The following GTF2I variants were observed in gnomAD, a reference collection of about 807,000 sequenced individuals.
GTF2I encodes the protein general transcription factor II-I.
GTF2I carries 12 observed loss-of-function variants against 67.6 expected under a neutral mutation model. The ratio of observed to expected loss-of-function variants is 0.18; its 90% CI spans 0.11 to 0.29. The LOEUF (loss-of-function observed/expected upper bound fraction) is 0.29, where lower values mean the gene tolerates loss of function less well. Among genes scored for constraint, GTF2I ranks in the 10% least tolerant of loss-of-function variants. The pLI is 1.00. For missense variants in GTF2I, 271 were observed against 580.1 expected (o/e 0.47, Z 5.47); for synonymous variants, 149 against 197.0 (o/e 0.76, Z 2.04).
intron 12 of GTF2I, chr7:74,727,948 C>G (rs1794067737): frequency 6.6e-6 from 1 of 152,254 alleles, no homozygotes; most frequent in Non-Finnish European, 1.5e-5. Context: ...TCAACAGTAT[C>G]TGTTTCATCA....
At chr7:74,711,508 A>T (rs1257049007) in intron 9 of GTF2I, among the ~76,000 whole-genome samples, 1 of 152,192 alleles carries the variant, frequency 6.6e-6, no homozygotes, top group Non-Finnish European at 1.5e-5. Flanking sequence ...TGCCATCTAC[A>T]TATCTAATAC....
intron 3 of GTF2I, among the ~76,000 whole-genome samples, chr7:74,697,287 C>T (rs1485147237): frequency 6.6e-6 from 1 of 151,824 alleles, no homozygotes; most frequent in African/African-American, 2.4e-5. Context: ...CCCAGCTACT[C>T]GGGAGGCTGA....
At chr7:74,723,590 C>G (rs1378204402) in intron 12 of GTF2I, among the ~76,000 whole-genome samples, 2 of 151,638 alleles carry the variant, frequency 1.3e-5, no homozygotes, top group African/African-American at 2.4e-5. Context: ...GCCACCATGT[C>G]CAGCCAATAT....
At chr7:74,719,003 T>C (rs1172314080) in intron 12 of GTF2I, 62 bp downstream of exon 12, 12 of 805,696 alleles carry the variant, frequency 1.5e-5, no homozygotes, top group Non-Finnish European at 2.4e-5. Context: ...ACTTGTCACA[T>C]TCACATTGCT....
At chr7:74,708,961 C>A (rs1328419802) in intron 8 of GTF2I, among the ~76,000 whole-genome samples, 2 of 152,200 alleles carry the variant, frequency 1.3e-5, no homozygotes, top group Non-Finnish European at 2.9e-5. Flanking sequence ...CAGTCACACC[C>A]ATCGCTGGGA....
At chr7:74,699,987 C>T in intron 4 of GTF2I, 2 of 343,858 alleles carry the variant, frequency 5.8e-6, no homozygotes, top group Non-Finnish European at 1.1e-5. Flanking sequence ...GACAATAGTG[C>T]AAGAAACCAA....
chr7:74,734,287 TTTA>T (rs1794712030), intron 16 of GTF2I, among the ~76,000 whole-genome samples: 1 of 137,044 alleles, frequency 7.3e-6, no homozygotes, highest in Admixed American at 7.6e-5. Flanking sequence ...CATTGAACAG[TTTA>T]TTATTGAAGT....
At chr7:74,664,834 A>G (rs1804828329) in intron 1 of GTF2I, among the ~76,000 whole-genome samples, 1 of 152,228 alleles carries the variant, frequency 6.6e-6, no homozygotes, top group Non-Finnish European at 1.5e-5. Context: ...GCTTATGGCT[A>G]GCGACACAAG....
intron 1 of GTF2I, among the ~76,000 whole-genome samples, chr7:74,688,059 G>T (rs912565462): frequency 3.3e-5 from 5 of 151,930 alleles, no homozygotes; most frequent in Non-Finnish European, 7.4e-5. Flanking sequence ...GTATTGTTTT[G>T]GTTTTATTTT....
intron 6 of GTF2I, among the ~76,000 whole-genome samples, chr7:74,701,634 AT>A (rs1264466311): frequency 6.6e-6 from 1 of 151,846 alleles, no homozygotes; most frequent in Non-Finnish European, 1.5e-5. Context: ...CGCCCGGCTA[AT>A]TTTTTGTATT....
chr7:74,660,754 TG>T (rs1385182706), intron 1 of GTF2I, among the ~76,000 whole-genome samples: 1 of 151,916 alleles, frequency 6.6e-6, no homozygotes, highest in Non-Finnish European at 1.5e-5. Flanking sequence ...CCTGAGTAGC[TG>T]GGATTACAGG....
chr7:74,748,637 CG>C (rs587707648), intron 24 of GTF2I, among the ~76,000 whole-genome samples: 511 of 138,164 alleles, frequency 3.7e-3, no homozygotes, highest in African/African-American at 0.012. Context: ...TAAGGCCAGG[CG>C]CAGTGGCTCA....
chr7:74,682,777 A>G (rs1554394437), intron 1 of GTF2I, among the ~76,000 whole-genome samples: 1 of 152,252 alleles, frequency 6.6e-6, no homozygotes, highest in East Asian at 1.9e-4. Context: ...AGACTATAAA[A>G]TAACTGCCCC....
Position 74,679,364 on chromosome 7 carries a change from C to A in GTF2I, c.-5-9760C>A, listed in dbSNP as rs193256333. ...ATGCTGGGATTACAGGCGTGAGCCG[C>A]TGCCATATTTTCCATTTATTTTTTT... is the stretch of plus-strand genomic sequence containing the variant. On this transcript the variant is annotated intron_variant, in intron 1 of 34. Coordinates refer to ENST00000573035, the MANE Select transcript of GTF2I (RefSeq NM_032999.4). Among the ~76,000 whole-genome samples, 869 of 152,276 alleles carry A rather than the reference C, an allele frequency of 5.7e-3. 10 individuals are homozygous for A. The highest frequency in any genetic ancestry group is 0.02 in the African/African-American group (825 of 41,564).
intron 6 of GTF2I, among the ~76,000 whole-genome samples, chr7:74,704,329 C>T (rs1437527911): frequency 6.8e-5 from 10 of 148,060 alleles, no homozygotes; most frequent in East Asian, 2.0e-4. Context: ...CTTGCTCTGT[C>T]GCCCAGGCTG....
chr7:74,696,134 G>A (rs1272679169), intron 3 of GTF2I, among the ~76,000 whole-genome samples: 9 of 151,434 alleles, frequency 5.9e-5, no homozygotes, highest in African/African-American at 1.7e-4. Context: ...TGGGATTACA[G>A]GCACACCTGG....
intron 1 of GTF2I, among the ~76,000 whole-genome samples, chr7:74,676,936 G>A (rs1294701272): frequency 6.6e-6 from 1 of 152,064 alleles, no homozygotes; most frequent in African/African-American, 2.4e-5. Flanking sequence ...TCAGGTGCCT[G>A]TAATCCCAGC....
chr7:74,677,080 C>CA (rs1237923275), intron 1 of GTF2I, among the ~76,000 whole-genome samples: 1 of 151,696 alleles, frequency 6.6e-6, no homozygotes, highest in Non-Finnish European at 1.5e-5. Context: ...AAAAACAAAA[C>CA]AAAAAACCGA....
intron 1 of GTF2I, among the ~76,000 whole-genome samples, chr7:74,687,019 G>A (rs1787799707): frequency 6.6e-6 from 1 of 150,970 alleles, no homozygotes; most frequent in Non-Finnish European, 1.5e-5. Context: ...CCTCCTGAGT[G>A]ACTGGAATTA....
Sources: allele counts gnomAD v4.1 joint callset (sites outside exome capture counted in the v4.1 genomes callset), GRCh38; gene constraint gnomAD v4.1.1; transcripts MANE v1.5; gene names NCBI Gene and HGNC (gene_info 2026-07-23, HGNC 2026-07-21).